Variants in ADGRL1 observed in about 807,000 individuals in gnomAD.
ADGRL1 encodes the protein adhesion G protein-coupled receptor L1, also known as CIRL-1.
A neutral mutation model predicts 148.9 loss-of-function variants in ADGRL1; 31 were observed. The ratio of observed to expected loss-of-function variants is 0.21; its 90% confidence interval spans 0.16 to 0.28. ADGRL1 has a LOEUF of 0.28. Among genes scored for constraint, ADGRL1 ranks in the 10% least tolerant of loss-of-function variants. The pLI, the probability that ADGRL1 is intolerant of heterozygous loss-of-function variation, is 1.00. For missense variants in ADGRL1, 1,521 were observed against 2,058.8 expected (o/e 0.74, Z 5.05); for synonymous variants, 937 against 900.3 (o/e 1.04, Z -0.73).
chr19:14,172,996 G>C (rs943438125), intron 3 of ADGRL1, among the ~76,000 whole-genome samples: 3 of 152,102 alleles, frequency 2.0e-5, no homozygotes, highest in African/African-American at 7.2e-5. Context: ...GTCCCGCTCT[G>C]TCACCGAGGC....
Position 14,161,453 on chromosome 19 carries a change from G to T in ADGRL1, c.1369C>A (p.Pro457Thr). Residue 457 changes from proline to threonine, a missense_variant, in exon 6 of 23, where the codon CCC becomes ACC. Coordinates refer to ENST00000361434, the MANE Select transcript of ADGRL1 (RefSeq NM_014921.5). This position sits in a 1 kb window ranked among gnomAD's most constrained non-coding sequence, Gnocchi z 4.4. ...GGGGCTGGGGGCCGCCGGGTGCTGG[G>T]GACTGGGGCTGTGGCTGGAGGCAGA... ...PDLPPATAPV[P>T]STRRPPAPNL... 6.8e-7 allele frequency: 1 copy of T among 1,471,278 alleles called. No individual in the cohort carries two copies. Among genetic ancestry groups the T allele is most frequent in the East Asian group, 2.6e-5 (1 of 38,002 alleles). 91.1% of individuals were successfully genotyped at this position (1,471,278 alleles called of 1,614,324 possible). A position where few individuals can be genotyped will look rare whatever the true frequency, so the allele number is the denominator to read the frequency against.
At chr19:14,201,455 C>G (rs1272278544) in intron 1 of ADGRL1, among the ~76,000 whole-genome samples, 2 of 150,544 alleles carry the variant, frequency 1.3e-5, no homozygotes, top group African/African-American at 4.9e-5. Flanking sequence ...CCTGCTTCGT[C>G]GCCCAGGCTG....
In ADGRL1 at chr19:14,162,386, A is replaced by G. The variant is rs1274855090; in HGVS notation, c.1195+220T>C. Among the ~76,000 whole-genome samples the G allele has an allele frequency of 1.3e-5, 2 of 152,206 alleles. No individual in the cohort carries two copies. Among genetic ancestry groups the G allele is most frequent in the Non-Finnish European group, 2.9e-5 (2 of 68,034 alleles). On this transcript the variant is annotated intron_variant, in intron 5 of 22. Coordinates refer to ENST00000361434, the MANE Select transcript of ADGRL1 (RefSeq NM_014921.5). The surrounding 1 kb of genome is among the most constrained non-coding windows in gnomAD (Gnocchi z 5.4). ...ACACAGAGCCTCAGTGTCATCTGTAAAACAGGGCAGTAAGGATCCCTGTGT... is the reference window on the plus strand; with the variant it reads ...ACACAGAGCCTCAGTGTCATCTGTAGAACAGGGCAGTAAGGATCCCTGTGT...
intron 4 of ADGRL1, 41 bp downstream of exon 4, chr19:14,170,641 C>T (rs377124187): frequency 2.2e-5 from 28 of 1,257,790 alleles, no homozygotes; most frequent in African/African-American, 5.9e-5. Flanking sequence ...CTCACTCATG[C>T]GAGAAGGGCC....
intron 4 of ADGRL1, among the ~76,000 whole-genome samples, chr19:14,167,522 C>A (rs1248709392): frequency 1.3e-5 from 2 of 152,082 alleles, no homozygotes; most frequent in Non-Finnish European, 2.9e-5. Flanking sequence ...GAACCAGGGG[C>A]CCCAGGGGAA....
Position 14,152,230 on chromosome 19 carries a change from A to G in ADGRL1, c.3649+79T>C. On this transcript the variant is annotated intron_variant, in intron 21 of 22. Coordinates refer to ENST00000361434, the MANE Select transcript of ADGRL1 (RefSeq NM_014921.5). This position sits in a 1 kb window ranked among gnomAD's most constrained non-coding sequence, Gnocchi z 6.1. ...CAAGTCCAGGCTCCAGTTCTGGGGCACAGAACATCCCATGCAGAGGTCCCT... is the reference window on the plus strand; with the variant it reads ...CAAGTCCAGGCTCCAGTTCTGGGGCGCAGAACATCCCATGCAGAGGTCCCT... The G allele has an allele frequency of 6.2e-7, 1 of 1,613,952 alleles. No homozygotes were observed. Among genetic ancestry groups the G allele is most frequent in the East Asian group, 2.2e-5 (1 of 44,884 alleles).
chr19:14,181,924 A>G (rs1599481909), intron 2 of ADGRL1, among the ~76,000 whole-genome samples: 1 of 152,276 alleles, frequency 6.6e-6, no homozygotes, highest in South Asian at 2.1e-4. Context: ...TGAACCTCCA[A>G]GGATTTCACT....
intron 3 of ADGRL1, among the ~76,000 whole-genome samples, chr19:14,175,278 C>A (rs1279245007): frequency 6.6e-6 from 1 of 152,078 alleles, no homozygotes; most frequent in Admixed American, 6.6e-5. Context: ...ACAAACAACT[C>A]AAAGAAATAC....
At chr19:14,168,252 C>T (rs761512792) in intron 4 of ADGRL1, among the ~76,000 whole-genome samples, 5 of 151,988 alleles carry the variant, frequency 3.3e-5, no homozygotes, top group African/African-American at 4.8e-5. Flanking sequence ...CTTCCCAGCG[C>T]CTCACCCAGG....
chr19:14,167,736 G>C (rs1488983202), intron 4 of ADGRL1, among the ~76,000 whole-genome samples: 1 of 151,602 alleles, frequency 6.6e-6, no homozygotes, highest in Non-Finnish European at 1.5e-5. Context: ...CCCAGAGAGA[G>C]CCAGGGTTGG....
At chr19:14,158,837 A>G (rs1187282836) in intron 11 of ADGRL1, among the ~76,000 whole-genome samples, 1 of 151,778 alleles carries the variant, frequency 6.6e-6, no homozygotes. Flanking sequence ...CAAGCCCCTG[A>G]CCTCTCTGAG....
intron 1 of ADGRL1, 28 bp from the exon 2 acceptor site, chr19:14,183,725 G>C: frequency 1.2e-6 from 1 of 853,526 alleles, no homozygotes; most frequent in Non-Finnish European, 1.8e-6. Flanking sequence ...GACTGAGGTG[G>C]GGATAGGGCC....
intron 3 of ADGRL1, among the ~76,000 whole-genome samples, chr19:14,175,200 G>A (rs929020180): frequency 1.3e-5 from 2 of 152,128 alleles, no homozygotes; most frequent in African/African-American, 4.8e-5. Flanking sequence ...GTGGGTGTGA[G>A]AGAGGCTTGT....
intron 1 of ADGRL1, among the ~76,000 whole-genome samples, chr19:14,200,932 T>C (rs1473007800): frequency 6.6e-6 from 1 of 152,234 alleles, no homozygotes; most frequent in Non-Finnish European, 1.5e-5. Context: ...ACCTCTACTC[T>C]ACAGCCATCA....
chr19:14,160,424 T>A lies in ADGRL1; in HGVS notation c.1615-127A>T. 1 of 984,686 alleles carries A rather than the reference T, an allele frequency of 1.0e-6. No individual in the cohort carries two copies. The highest frequency in any genetic ancestry group is 1.5e-6 in the Non-Finnish European group (1 of 676,120). The allele number at this position is 984,686 out of a possible 1,614,324, so 61.0% of individuals were successfully genotyped here. ...CCACTTCCCCATCGCCATCTGCCCC[T>A]TCCCACCCCATCTGTCCCTGCTCCC... On this transcript the variant is annotated intron_variant, in intron 7 of 22. Coordinates refer to ENST00000361434, the MANE Select transcript of ADGRL1 (RefSeq NM_014921.5). The surrounding 1 kb of genome is among the most constrained non-coding windows in gnomAD (Gnocchi z 5.9).
At chr19:14,203,681 G>GCA (rs1972765891) in intron 1 of ADGRL1, among the ~76,000 whole-genome samples, 1 of 152,152 alleles carries the variant, frequency 6.6e-6, no homozygotes. Context: ...ATAGAAGCTG[G>GCA]GCTTCGAGTC....
rs749709155 is a variant in ADGRL1, at chr19:14,159,321, GC to G, written c.2023+79del. On this transcript the variant is annotated intron_variant, in intron 10 of 22. Coordinates refer to ENST00000361434, the MANE Select transcript of ADGRL1 (RefSeq NM_014921.5). This position sits in a 1 kb window ranked among gnomAD's most constrained non-coding sequence, Gnocchi z 6.0. The stretch of plus-strand genomic sequence containing the variant: ...TGGCAAGATGCCCAAGGGTCGGATA[GC>G]CCCCCTGTGGCCTCCAGGCCAGAAC... 8.0e-5 allele frequency: 126 copies of G among 1,571,902 alleles called. 2 individuals are homozygous for G. The highest frequency in any genetic ancestry group is 5.1e-4 in the Middle Eastern group (3 of 5,844).
At chr19:14,164,157 AGGCTAGGACG>A (rs940221058) in intron 4 of ADGRL1, among the ~76,000 whole-genome samples, 5 of 151,800 alleles carry the variant, frequency 3.3e-5, no homozygotes, top group African/African-American at 1.2e-4. Flanking sequence ...GGCAGCTCCC[AGGCTAGGACG>A]GGGAATGAAA....
intron 1 of ADGRL1, among the ~76,000 whole-genome samples, chr19:14,184,610 A>T (rs1270785082): frequency 2.3e-4 from 14 of 61,256 alleles, no homozygotes; most frequent in African/African-American, 8.2e-4. Flanking sequence ...TTTTTATTTT[A>T]TTTATTTATT....
Sources: allele counts gnomAD v4.1 joint callset (sites outside exome capture counted in the v4.1 genomes callset), GRCh38; gene constraint gnomAD v4.1.1; non-coding constraint Gnocchi (gnomAD v3.1); transcripts MANE v1.5; gene names NCBI Gene and HGNC (gene_info 2026-07-23, HGNC 2026-07-21).